HDAC9: variants seen among roughly 807,000 people sequenced by gnomAD.
HDAC9 encodes the protein MEF-2 interacting transcription repressor (MITR) protein.
HDAC9 carries 41 observed loss-of-function variants against 139.4 expected under a neutral mutation model. The ratio of observed to expected loss-of-function variants is 0.29; its 90% confidence interval spans 0.23 to 0.38. HDAC9 has a LOEUF of 0.38. HDAC9 is among the 10% of genes least tolerant of loss of function. The probability of loss-of-function intolerance (pLI) is 1.00; values close to 1 mark genes in which losing one functional copy is unlikely to be tolerated. For missense variants in HDAC9, 1,147 were observed against 1,297.0 expected, an observed-to-expected ratio of 0.88 and a Z score of 1.78; for synonymous variants, 517 against 476.2, an observed-to-expected ratio of 1.09 and a Z score of -1.12.
intron 2 of HDAC9, among the ~76,000 whole-genome samples, chr7:18,173,320 T>C (rs1212478351): frequency 6.6e-6 from 1 of 152,200 alleles, no homozygotes; most frequent in Non-Finnish European, 1.5e-5. Flanking sequence ...TCTTCCTCCA[T>C]CCCTTTATTT....
At chr7:18,557,404 A>G (rs2128691786) in intron 2 of HDAC9, among the ~76,000 whole-genome samples, 1 of 149,128 alleles carries the variant, frequency 6.7e-6, no homozygotes, top group African/African-American at 2.4e-5. Context: ...ACCTCTCCCT[A>G]AGTTTTCTTT....
intron 1 of HDAC9, among the ~76,000 whole-genome samples, chr7:18,435,059 CAAAAAAAAAAA>C (rs376786180): frequency 2.9e-5 from 2 of 67,810 alleles, no homozygotes; most frequent in Admixed American, 2.1e-4. Flanking sequence ...ACTACACAGC[CAAAAAAAAAAA>C]AAAAAAAAAA....
chr7:18,471,368 A>G (rs1437724030), intron 1 of HDAC9, among the ~76,000 whole-genome samples: 2 of 152,116 alleles, frequency 1.3e-5, no homozygotes, highest in Non-Finnish European at 2.9e-5. Flanking sequence ...GCTTTTACAC[A>G]ATACCTTTTA....
At chr7:18,421,591 A>G (rs1789624275) in intron 1 of HDAC9, among the ~76,000 whole-genome samples, 1 of 152,204 alleles carries the variant, frequency 6.6e-6, no homozygotes, top group Admixed American at 6.6e-5. Flanking sequence ...CAAATGAGGT[A>G]ACTTTGAAGC....
chr7:18,664,897 C>T (rs1314259546), intron 11 of HDAC9, among the ~76,000 whole-genome samples: 1 of 152,084 alleles, frequency 6.6e-6, no homozygotes, highest in Non-Finnish European at 1.5e-5. Context: ...TTTTCTAATG[C>T]TTAGCATGGT....
intron 17 of HDAC9, among the ~76,000 whole-genome samples, chr7:18,822,020 C>T (rs562647354): frequency 6.6e-6 from 1 of 152,162 alleles, no homozygotes; most frequent in Non-Finnish European, 1.5e-5. Flanking sequence ...GTGTGCCACC[C>T]TTGCAGTTTC....
intron 22 of HDAC9, 144 bp from the exon 23 acceptor site, chr7:18,935,665 A>G (rs1781582211): frequency 2.8e-6 from 2 of 714,218 alleles, no homozygotes; most frequent in Non-Finnish European, 4.7e-6. Flanking sequence ...GACCTAATCC[A>G]TAAAGTTATT....
intron 2 of HDAC9, among the ~76,000 whole-genome samples, chr7:18,189,370 A>T (rs1790163969): frequency 6.6e-6 from 1 of 152,134 alleles, no homozygotes; most frequent in Non-Finnish European, 1.5e-5. Context: ...GAGGGAATTT[A>T]GAGGACAGGT....
At chr7:18,266,352 A>G (rs1328825813) in intron 2 of HDAC9, among the ~76,000 whole-genome samples, 2 of 152,136 alleles carry the variant, frequency 1.3e-5, no homozygotes, top group African/African-American at 2.4e-5. Context: ...TTCATTTTTG[A>G]TAAGTTATAG....
chr7:18,908,703 G>A (rs893381669), intron 22 of HDAC9, among the ~76,000 whole-genome samples: 5 of 151,632 alleles, frequency 3.3e-5, no homozygotes, highest in African/African-American at 9.7e-5. Context: ...GGCTCATCTA[G>A]AGCCACAAAT....
At chr7:18,511,636 A>C (rs987608950) in intron 2 of HDAC9, among the ~76,000 whole-genome samples, 1 of 152,064 alleles carries the variant, frequency 6.6e-6, no homozygotes, top group African/African-American at 2.4e-5. Context: ...ACAAATATTA[A>C]ATTGTTTAGT....
At chr7:18,922,246 A>T (rs1046580152) in intron 22 of HDAC9, among the ~76,000 whole-genome samples, 4 of 151,522 alleles carry the variant, frequency 2.6e-5, no homozygotes, top group Non-Finnish European at 4.4e-5. Flanking sequence ...ATTAAAAAAC[A>T]TTAATTATTA....
At chr7:18,985,046 C>G (rs1315793206) in intron 25 of HDAC9, among the ~76,000 whole-genome samples, 3 of 151,654 alleles carry the variant, frequency 2.0e-5, no homozygotes, top group Non-Finnish European at 4.4e-5. Context: ...ATTTCTGGAT[C>G]TTTATTTTTT....
At position 18,294,763 on chromosome 7, in the gene HDAC9, C is replaced by T. The variant is rs116660351; in HGVS notation, c.-42+4248C>T. Among the ~76,000 whole-genome samples, 441 of 152,072 alleles carry T rather than the reference C, an allele frequency of 2.9e-3. 2 individuals carry two copies. The highest frequency in any genetic ancestry group is 9.6e-3 in the African/African-American group (398 of 41,498). On this transcript the variant is annotated intron_variant, in intron 1 of 3. Transcript: ENST00000413509. ...CTAGTTGCAGAGTGGAGAATAGATTCGTGAAGAGCAAGAGTAGACACATGG... is the reference window on the plus strand; with the variant it reads ...CTAGTTGCAGAGTGGAGAATAGATTTGTGAAGAGCAAGAGTAGACACATGG...
At chr7:18,447,339 A>G (rs1792388043) in intron 1 of HDAC9, among the ~76,000 whole-genome samples, 2 of 152,174 alleles carry the variant, frequency 1.3e-5, no homozygotes, top group Non-Finnish European at 2.9e-5. Flanking sequence ...TACCACAATT[A>G]TGGTCACTAA....
intron 2 of HDAC9, among the ~76,000 whole-genome samples, chr7:18,531,145 A>G: frequency 6.6e-6 from 1 of 152,064 alleles, no homozygotes; most frequent in East Asian, 1.9e-4. Flanking sequence ...TTCAAACTAT[A>G]CTTACTTTAT....
At chr7:18,786,880 A>G (rs1289471347) in intron 16 of HDAC9, among the ~76,000 whole-genome samples, 1 of 134,164 alleles carries the variant, frequency 7.5e-6, no homozygotes, top group East Asian at 2.1e-4. Flanking sequence ...GTTCCCAGTG[A>G]GTACTGCTGG....
intron 23 of HDAC9, among the ~76,000 whole-genome samples, chr7:18,951,537 A>G (rs960677238): frequency 6.6e-6 from 1 of 151,844 alleles, no homozygotes; most frequent in Non-Finnish European, 1.5e-5. Context: ...ACTATTTCCT[A>G]CATTTGCATC....
chr7:18,194,853 G>A (rs1414718544), intron 2 of HDAC9, among the ~76,000 whole-genome samples: 3 of 151,980 alleles, frequency 2.0e-5, no homozygotes, highest in Non-Finnish European at 2.9e-5. Flanking sequence ...GCTGTGCATG[G>A]AAATTAATTT....
Sources: allele counts gnomAD v4.1 joint callset (sites outside exome capture counted in the v4.1 genomes callset), GRCh38; gene constraint gnomAD v4.1.1; transcripts MANE v1.5; gene names NCBI Gene and HGNC (gene_info 2026-07-23, HGNC 2026-07-21).